The following BTBD1 variants were observed in gnomAD, a reference collection of about 807,000 sequenced individuals.
BTBD1 encodes the protein BTB/POZ domain-containing protein 1.
BTBD1 carries 34 observed loss-of-function variants against 48.0 expected under a neutral mutation model. That is an observed-to-expected ratio of 0.71 (90% confidence interval 0.54 to 0.94). The LOEUF is 0.94. Among genes scored for constraint, BTBD1 ranks in the 40% least tolerant of loss-of-function variants. The pLI is 0.00. For synonymous variants in BTBD1, 261 were observed against 242.1 expected (o/e 1.08, Z -0.72); for missense variants, 543 against 625.6 (o/e 0.87, Z 1.41).
intron 1 of BTBD1, among the ~76,000 whole-genome samples, chr15:83,060,243 C>G (rs1196557107): frequency 1.3e-5 from 2 of 151,656 alleles, no homozygotes; most frequent in Admixed American, 1.3e-4. Context: ...TATACATTTC[C>G]TTTACATTCT....
intron 4 of BTBD1, 64 bp from the exon 5 acceptor site, chr15:83,030,392 C>G: frequency 1.5e-6 from 2 of 1,355,212 alleles, no homozygotes; most frequent in South Asian, 1.3e-5. Context: ...CTTTGGAATT[C>G]ACTTAACGTA....
intron 3 of BTBD1, 136 bp downstream of exon 3, chr15:83,049,932 CAAAAA>C (rs910643470): frequency 2.4e-5 from 12 of 503,874 alleles, no homozygotes; most frequent in African/African-American, 2.1e-4. Context: ...TTCACCAAAA[CAAAAA>C]AAAGCAAAAC....
intron 3 of BTBD1, among the ~76,000 whole-genome samples, chr15:83,042,348 T>TTATATATATATA (rs61294242): frequency 0.012 from 1,361 of 109,752 alleles, 54 homozygotes; most frequent in Non-Finnish European, 0.018. Flanking sequence ...TTAGGCAATT[T>TTATATATATATA]TATATATATA....
At chr15:83,031,391 A>G (rs1452165111) in intron 4 of BTBD1, among the ~76,000 whole-genome samples, 5 of 152,328 alleles carry the variant, frequency 3.3e-5, no homozygotes, top group East Asian at 1.9e-4. Context: ...ATGTCCATCA[A>G]TGATAGACTG....
Position 83,018,776 on chromosome 15 carries a change from G to C in BTBD1, c.1221C>G (p.Phe407Leu), listed in dbSNP as rs1223762707. The C allele has an allele frequency of 1.2e-6, 2 of 1,614,114 alleles. No individual in the cohort carries two copies. The highest frequency in any genetic ancestry group is 1.7e-6 in the Non-Finnish European group (2 of 1,179,982). ...GFSCDGTANT[F>L]RVMFKEPIEI... Reference sequence around the variant, plus strand: ...CTATGGGTTCCTTGAACATGACCCTGAATGTGTTAGCTGTCCCATCACAAC... The same window carrying C: ...CTATGGGTTCCTTGAACATGACCCTCAATGTGTTAGCTGTCCCATCACAAC... The change falls in exon 7 of 8, where the codon TTC becomes TTG. Residue 407 changes from phenylalanine to leucine, a missense_variant. Physicochemically the swap from Phe to Leu is conservative, Grantham distance 22. Coordinates refer to ENST00000261721, the MANE Select transcript of BTBD1 (RefSeq NM_025238.4).
chr15:83,016,531 A>G lies in BTBD1; in HGVS notation c.*1536T>C, dbSNP rs2151297390. On this transcript the variant is annotated 3_prime_UTR_variant, in exon 8 of 8. Coordinates refer to ENST00000261721, the MANE Select transcript of BTBD1 (RefSeq NM_025238.4). ...CCCTTTTATGGCTGCATGCAGTTTC[A>G]ATTGTTCAGTACAACAGATGAGGCA... 1 of 151,224 alleles carries G rather than the reference A, an allele frequency of 6.6e-6. No individual in the cohort carries two copies. Among genetic ancestry groups the G allele is most frequent in the South Asian group, 2.1e-4 (1 of 4,798 alleles). 9.4% of individuals were successfully genotyped at this position (151,224 alleles called of 1,614,324 possible). A position where few individuals can be genotyped will look rare whatever the true frequency, so the allele number is the denominator to read the frequency against.
At chr15:83,040,892 C>G (rs867030733) in intron 4 of BTBD1, among the ~76,000 whole-genome samples, 14 of 151,782 alleles carry the variant, frequency 9.2e-5, no homozygotes, top group Admixed American at 1.3e-4. Flanking sequence ...AGAGGCTGGG[C>G]GTGGTGGCTT....
chr15:83,026,943 C>T (rs1049092059), intron 5 of BTBD1, among the ~76,000 whole-genome samples: 1 of 152,096 alleles, frequency 6.6e-6, no homozygotes, highest in Non-Finnish European at 1.5e-5. Context: ...TTAGCAAATA[C>T]TAAACCACTG....
intron 2 of BTBD1, among the ~76,000 whole-genome samples, chr15:83,055,931 G>A (rs1596443611): frequency 6.6e-6 from 1 of 152,038 alleles, no homozygotes; most frequent in Non-Finnish European, 1.5e-5. Context: ...ATTCAGCACC[G>A]TATTAACTCT....
At chr15:83,059,180 T>C (rs8037980) in intron 1 of BTBD1, among the ~76,000 whole-genome samples, 6,399 of 152,214 alleles carry the variant, frequency 0.042, 419 homozygotes, top group African/African-American at 0.15. Context: ...TCCTAAGCAG[T>C]TGCCTTGTTT....
chr15:83,044,480 G>A (rs1567108964), intron 3 of BTBD1: 1 of 1,576,946 alleles, frequency 6.3e-7, no homozygotes, highest in East Asian at 2.2e-5. Flanking sequence ...TGGACGCAAT[G>A]GCCAAGCCAG....
rs1205632648 is a variant in BTBD1 at position 83,067,215 on chromosome 15, C to G, written c.-64G>C. ...CCGCCGCCATCGCCCAGGCCGCCTC[C>G]GGAGGCCGGCGCTGCCTCCCTGCCT... On this transcript the variant is annotated 5_prime_UTR_variant, in exon 1 of 8. Transcript: ENST00000261721. The G allele has an allele frequency of 4.6e-6, 6 of 1,317,150 alleles. No homozygotes were observed. The highest frequency in any genetic ancestry group is 3.1e-5 in the African/African-American group (2 of 65,408). The allele number at this position is 1,317,150 out of a possible 1,614,324, so 81.6% of individuals were successfully genotyped here.
At chr15:83,058,915 CGGTG>C (rs1360525370) in intron 1 of BTBD1, among the ~76,000 whole-genome samples, 1 of 152,022 alleles carries the variant, frequency 6.6e-6, no homozygotes, top group Admixed American at 6.6e-5. Context: ...ATTAAAAGGA[CGGTG>C]GGAAGTACAC....
At chr15:83,048,621 CCAAA>C (rs1422511651) in intron 3 of BTBD1, among the ~76,000 whole-genome samples, 2 of 151,282 alleles carry the variant, frequency 1.3e-5, no homozygotes, top group African/African-American at 4.9e-5. Flanking sequence ...TCTCCACTAT[CCAAA>C]CACAGTAAGT....
intron 5 of BTBD1, among the ~76,000 whole-genome samples, chr15:83,027,109 T>C (rs2032425253): frequency 1.3e-5 from 2 of 152,086 alleles, no homozygotes; most frequent in African/African-American, 4.8e-5. Flanking sequence ...ACCCAGCACT[T>C]TGGGAGGCCA....
intron 5 of BTBD1, among the ~76,000 whole-genome samples, chr15:83,027,662 G>A (rs2032435101): frequency 6.6e-6 from 1 of 152,180 alleles, no homozygotes. Context: ...TTAAGAAAGT[G>A]CCCCGAATAT....
At chr15:83,043,284 A>C (rs527629148) in intron 3 of BTBD1, among the ~76,000 whole-genome samples, 1 of 152,202 alleles carries the variant, frequency 6.6e-6, no homozygotes, top group Non-Finnish European at 1.5e-5. Flanking sequence ...TCTCATATTA[A>C]AGTGTGCCTG....
chr15:83,066,731 CGG>C lies in BTBD1; in HGVS notation c.401+18_401+19del. On this transcript the variant is annotated intron_variant, in intron 1 of 7. Coordinates refer to ENST00000261721, the MANE Select transcript of BTBD1 (RefSeq NM_025238.4). ...CGGCCCGGCCCGGCCCGGCCCGGCC[CGG>C]CCCGCGCTGCCGCTCACCTCAGCAG... 3.0e-6 allele frequency: 4 copies of C among 1,314,700 alleles called. No homozygotes were observed. The highest frequency in any genetic ancestry group is 3.9e-6 in the Non-Finnish European group (4 of 1,037,422). The allele number at this position is 1,314,700 out of a possible 1,614,324, so 81.4% of individuals were successfully genotyped here. A position where few individuals can be genotyped will look rare whatever the true frequency, so the allele number is the denominator to read the frequency against.
chr15:83,048,379 T>C (rs2032918379), intron 3 of BTBD1, among the ~76,000 whole-genome samples: 1 of 152,132 alleles, frequency 6.6e-6, no homozygotes, highest in South Asian at 2.1e-4. Flanking sequence ...GTATATGAGT[T>C]TGTAGCCCAG....
Sources: gnomAD v4.1 joint callset for allele counts (sites outside exome capture counted in the v4.1 genomes callset) on GRCh38, gnomAD v4.1.1 for gene constraint, MANE v1.5 for transcripts, NCBI Gene and HGNC (gene_info 2026-07-23, HGNC 2026-07-21) for gene names.